DYNC1H1: variants seen among roughly 807,000 people sequenced by gnomAD.
The protein encoded by DYNC1H1 is dynein cytoplasmic 1 heavy chain 1.
A neutral mutation model predicts 527.1 loss-of-function variants in DYNC1H1; 51 were observed. The ratio of observed to expected loss-of-function variants is 0.10; its 90% confidence interval spans 0.08 to 0.12. DYNC1H1 has a LOEUF of 0.12. Among genes scored for constraint, DYNC1H1 ranks in the 10% least tolerant of loss-of-function variants. The pLI is 1.00. For missense variants in DYNC1H1, 2,771 were observed against 5,971.8 expected, an observed-to-expected ratio of 0.46 and a Z score of 17.66; for synonymous variants, 2,189 against 2,278.8, an observed-to-expected ratio of 0.96 and a Z score of 1.12.
chr14:101,977,429 C>G (rs1166960425), intron 2 of DYNC1H1, among the ~76,000 whole-genome samples: 1 of 152,142 alleles, frequency 6.6e-6, no homozygotes, highest in Non-Finnish European at 1.5e-5. Flanking sequence ...AATCATTTGA[C>G]AGTTAGTTAT....
In DYNC1H1 at chr14:102,024,692, CTTT is replaced by C. The variant is rs541855664; in HGVS notation, c.8637+1829_8637+1831del. Among the ~76,000 whole-genome samples, 225 of 109,478 alleles carry C rather than the reference CTTT, an allele frequency of 2.1e-3. 3 individuals carry two copies. The highest frequency in any genetic ancestry group is 7.7e-3 in the African/African-American group (193 of 25,136). 71.8% of individuals were successfully genotyped at this position (109,478 alleles called of 152,430 possible). A position where few individuals can be genotyped will look rare whatever the true frequency, so the allele number is the denominator to read the frequency against. Reference sequence around the variant, plus strand: ...TGTGGCTTATCTTTTTTTTTTAACTCTTTTTTTTTTTTTTTTTTTGGAGATGGA... The same window carrying C: ...TGTGGCTTATCTTTTTTTTTTAACTCTTTTTTTTTTTTTTTTGGAGATGGA... On this transcript the variant is annotated intron_variant, in intron 43 of 77. Coordinates refer to ENST00000360184, the MANE Select transcript of DYNC1H1 (RefSeq NM_001376.5).
intron 52 of DYNC1H1, 171 bp downstream of exon 52, chr14:102,032,638 G>GCCCAGGTTGGTCTCTAACT: frequency 1.1e-6 from 1 of 874,108 alleles, no homozygotes. Flanking sequence ...AAGTGCTTGA[G>GCCCAGGTTGGTCTCTAACT]CCTAGGAGTT....
In DYNC1H1 at chr14:101,980,414, T is replaced by A; in HGVS notation, c.825T>A (p.Ile275=). 1.2e-6 allele frequency: 2 copies of A among 1,614,268 alleles called. No individual in the cohort carries two copies. Among genetic ancestry groups the A allele is most frequent in the Non-Finnish European group, 1.7e-6 (2 of 1,180,048 alleles). The change falls in exon 5 of 78, where the codon ATT becomes ATA. Residue 275 remains isoleucine, a synonymous_variant. Coordinates refer to ENST00000360184, the MANE Select transcript of DYNC1H1 (RefSeq NM_001376.5). ...DPASGTALQE[I]SFWLNLERAL... Reference sequence around the variant, plus strand: ...CATCAGGAACTGCCTTACAGGAAATTAGTTTTTGGCTAAACTTGGAACGTG... The same window carrying A: ...CATCAGGAACTGCCTTACAGGAAATAAGTTTTTGGCTAAACTTGGAACGTG...
intron 28 of DYNC1H1, among the ~76,000 whole-genome samples, chr14:102,007,489 A>G (rs938835809): frequency 4.6e-5 from 7 of 152,178 alleles, no homozygotes; most frequent in African/African-American, 1.7e-4. Context: ...TTGGCACAGA[A>G]GGAAAGAAGG....
At chr14:102,026,897 A>G in intron 44 of DYNC1H1, 190 bp downstream of exon 44, 2 of 897,624 alleles carry the variant, frequency 2.2e-6, no homozygotes, top group Non-Finnish European at 3.5e-6. Context: ...GCAGAACTTC[A>G]TTCTTCCTCC....
At position 101,994,693 on chromosome 14, in the gene DYNC1H1, T is replaced by C; in HGVS notation, c.3177T>C (p.Cys1059=). The change falls in exon 13 of 78, where the codon TGT becomes TGC. Residue 1059 remains cysteine, a synonymous_variant. Transcript: ENST00000360184. ...QYVKVWLQYQ[C]LWDMQAENIY... is the part of the protein sequence containing the mutation. Reference sequence around the variant, plus strand: ...TGCAGGTTTGGCTTCAGTATCAGTGTTTATGGGATATGCAAGCTGAAAACA... The same window carrying C: ...TGCAGGTTTGGCTTCAGTATCAGTGCTTATGGGATATGCAAGCTGAAAACA... 6.2e-7 allele frequency: 1 copy of C among 1,614,216 alleles called. No homozygotes were observed. Among genetic ancestry groups the C allele is most frequent in the South Asian group, 1.1e-5 (1 of 91,086 alleles).
rs1474185720 is a variant in DYNC1H1 at position 102,028,155 on chromosome 14, T to C, written c.9468+14T>C. 1.2e-6 allele frequency: 2 copies of C among 1,613,768 alleles called. No individual in the cohort carries two copies. The highest frequency in any genetic ancestry group is 4.5e-5 in the East Asian group (2 of 44,884). ...ACTCTTCACCAGGTGGGTTCAGTTT[T>C]GAGATCAACAGATAAACCACAAAAC... is the stretch of plus-strand genomic sequence containing the variant. On this transcript the variant is annotated intron_variant, in intron 48 of 77. Coordinates refer to ENST00000360184, the MANE Select transcript of DYNC1H1 (RefSeq NM_001376.5).
chr14:101,991,644 C>G lies in DYNC1H1; in HGVS notation c.2986C>G (p.Leu996Val), dbSNP rs1194361096. The G allele has an allele frequency of 6.2e-7, 1 of 1,614,196 alleles. No individual in the cohort carries two copies. Among genetic ancestry groups the G allele is most frequent in the Non-Finnish European group, 8.5e-7 (1 of 1,180,046 alleles). ...TGCCTGGAAGATGGTTGTACTGTCT[C>G]TCCCCAGGATCCAGAGTCAGAGGTA... ...MFAWKMVVLSLPRIQSQRYQV... is the reference protein window; with the variant it reads ...MFAWKMVVLSVPRIQSQRYQV... The change falls in exon 11 of 78, where the codon CTC (leucine) becomes GTC (valine). Residue 996 changes from leucine to valine, a missense_variant. Coordinates refer to ENST00000360184, the MANE Select transcript of DYNC1H1 (RefSeq NM_001376.5).
intron 44 of DYNC1H1, 98 bp downstream of exon 44, chr14:102,026,805 C>T: frequency 2.0e-6 from 3 of 1,530,158 alleles, no homozygotes; most frequent in Non-Finnish European, 2.7e-6. Flanking sequence ...GTCCTACCAC[C>T]TCCACCTCAG....
Position 102,048,507 on chromosome 14 carries a change from C to T in DYNC1H1, c.13219-9C>T, listed in dbSNP as rs17541650. On this transcript the variant is annotated splice_polypyrimidine_tract_variant and intron_variant, in intron 73 of 77. Coordinates refer to ENST00000360184, the MANE Select transcript of DYNC1H1 (RefSeq NM_001376.5). ...CCTAACTTCTCTTCACCCTTTTGAACGATTTTAGGATCCTTTGTTCAGGTT... is the reference window on the plus strand; with the variant it reads ...CCTAACTTCTCTTCACCCTTTTGAATGATTTTAGGATCCTTTGTTCAGGTT... 5.7e-4 allele frequency: 912 copies of T among 1,614,090 alleles called. 6 individuals carry two copies. In the African/African-American group the frequency reaches 0.01, roughly 18 times the overall value.
rs764835898 is a variant in DYNC1H1 at position 101,986,807 on chromosome 14, G to A, written c.2538+44G>A. 6.2e-7 allele frequency: 1 copy of A among 1,606,632 alleles called. No homozygotes were observed. The highest frequency in any genetic ancestry group is 8.5e-7 in the Non-Finnish European group (1 of 1,173,484). ...CTCAGGTGTCCTGGTAACGAATGAA[G>A]CACAGTAATAGCGAGCTCAGTTAAA... On this transcript the variant is annotated intron_variant, in intron 8 of 77. Coordinates refer to ENST00000360184, the MANE Select transcript of DYNC1H1 (RefSeq NM_001376.5). The surrounding 1 kb of genome is among the most constrained non-coding windows in gnomAD (Gnocchi z 8.7).
At position 102,001,649 on chromosome 14, in the gene DYNC1H1, G is replaced by C; in HGVS notation, c.4510G>C (p.Val1504Leu). The C allele has an allele frequency of 6.2e-7, 1 of 1,614,202 alleles. No individual in the cohort carries two copies. ...CAAGGTCAAAGAACACATCAACAGCGTCTCGGCCATGAAGCTCTCTCCGTA... is the reference window on the plus strand; with the variant it reads ...CAAGGTCAAAGAACACATCAACAGCCTCTCGGCCATGAAGCTCTCTCCGTA... ...FNKVKEHINSVSAMKLSPYYK... is the reference protein window; with the variant it reads ...FNKVKEHINSLSAMKLSPYYK... Residue 1504 changes from valine to leucine, a missense_variant, in exon 21 of 78, where the codon GTC becomes CTC. This residue lies in a region of DYNC1H1 where 223 missense variants were observed against 462.5 expected (regional missense o/e 0.48). Coordinates refer to ENST00000360184, the MANE Select transcript of DYNC1H1 (RefSeq NM_001376.5). The surrounding 1 kb of genome is among the most constrained non-coding windows in gnomAD (Gnocchi z 5.0).
At position 102,047,461 on chromosome 14, in the gene DYNC1H1, C is replaced by T. The variant is rs17541630; in HGVS notation, c.13007-356C>T. Among the ~76,000 whole-genome samples, 308 of 151,898 alleles carry T rather than the reference C, an allele frequency of 2.0e-3. 5 individuals are homozygous for T. Among genetic ancestry groups the T allele is most frequent in the African/African-American group, 7.2e-3 (296 of 41,376 alleles). On this transcript the variant is annotated intron_variant, in intron 72 of 77. Coordinates refer to ENST00000360184, the MANE Select transcript of DYNC1H1 (RefSeq NM_001376.5). Reference sequence around the variant, plus strand: ...CTGAGTCAGGAGAATCACTTGAACCCAGGAGGCAGAGGTTGCAGTGAGCCA... The same window carrying T: ...CTGAGTCAGGAGAATCACTTGAACCTAGGAGGCAGAGGTTGCAGTGAGCCA...
At position 101,983,328 on chromosome 14, in the gene DYNC1H1, T is replaced by A; in HGVS notation, c.1233+38T>A. Reference sequence around the variant, plus strand: ...ATATAAGACAACCAACCTCAAGACATTGAGATGAAAATATGTCTTAATAAT... The same window carrying A: ...ATATAAGACAACCAACCTCAAGACAATGAGATGAAAATATGTCTTAATAAT... On this transcript the variant is annotated intron_variant, in intron 6 of 77. Transcript: ENST00000360184. This position sits in a 1 kb window ranked among gnomAD's most constrained non-coding sequence, Gnocchi z 5.3. 6.2e-7 allele frequency: 1 copy of A among 1,614,104 alleles called. No individual in the cohort carries two copies. Among genetic ancestry groups the A allele is most frequent in the South Asian group, 1.1e-5 (1 of 91,068 alleles).
chr14:102,049,156 C>A lies in DYNC1H1; in HGVS notation c.13373-284C>A. On this transcript the variant is annotated intron_variant, in intron 74 of 77. Coordinates refer to ENST00000360184, the MANE Select transcript of DYNC1H1 (RefSeq NM_001376.5). The surrounding 1 kb of genome is among the most constrained non-coding windows in gnomAD (Gnocchi z 5.5). ...CTTGTGTGACATGAGGTTTTAGCCG[C>A]GGTTTTGCTTGGATGTGATTATGGT... The A allele has an allele frequency of 2.0e-6, 1 of 503,874 alleles. No homozygotes were observed. Among genetic ancestry groups the A allele is most frequent in the Non-Finnish European group, 3.6e-6 (1 of 276,234 alleles). The allele number at this position is 503,874 out of a possible 1,614,324, so 31.2% of individuals were successfully genotyped here.
At chr14:101,966,500 T>G (rs1455404643) in intron 1 of DYNC1H1, among the ~76,000 whole-genome samples, 2 of 152,126 alleles carry the variant, frequency 1.3e-5, no homozygotes, top group Non-Finnish European at 2.9e-5. Context: ...TAAAAATCAC[T>G]GGGAATTGTT....
Position 102,050,809 on chromosome 14 carries a change from C to A in DYNC1H1, c.*246C>A, listed in dbSNP as rs2152601903. The A allele has an allele frequency of 3.9e-6, 2 of 513,270 alleles. No homozygotes were observed. The highest frequency in any genetic ancestry group is 4.0e-5 in the South Asian group (2 of 49,964). 31.8% of individuals were successfully genotyped at this position (513,270 alleles called of 1,614,324 possible). A position where few individuals can be genotyped will look rare whatever the true frequency, so the allele number is the denominator to read the frequency against. ...TAAGCATGAGCCGGCTCCGCCTCTT[C>A]TGTCTCCGCTTTCATCCCAGGGCAC... is the stretch of plus-strand genomic sequence containing the variant. On this transcript the variant is annotated 3_prime_UTR_variant, in exon 78 of 78. Transcript: ENST00000360184.
In DYNC1H1 at chr14:102,050,562, A is replaced by G. The variant is rs1425934204; in HGVS notation, c.13940A>G (p.Ter4647=). ...ERGVAVLCTE[*] ...GGTGTCGCAGTCTTGTGCACAGAGT[A>G]AACTTTTCTAGCTGCCCCTTTCTGT... is the stretch of plus-strand genomic sequence containing the variant. Residue 4647 remains the stop codon, a stop_retained_variant, in exon 78 of 78, where the codon TAA becomes TGA. Coordinates refer to ENST00000360184, the MANE Select transcript of DYNC1H1 (RefSeq NM_001376.5). 3.7e-6 allele frequency: 6 copies of G among 1,614,248 alleles called. No homozygotes were observed. The highest frequency in any genetic ancestry group is 4.2e-6 in the Non-Finnish European group (5 of 1,180,042).
Position 101,964,748 on chromosome 14 carries a change from G to A in DYNC1H1, c.57G>A (p.Ser19=), listed in dbSNP as rs917016410. Residue 19 remains serine, a synonymous_variant, in exon 1 of 78, where the codon TCG becomes TCA. Transcript: ENST00000360184. The surrounding 1 kb of genome is among the most constrained non-coding windows in gnomAD (Gnocchi z 5.5). ...GEDGSAGLEV[S]AVQNVADVSV... ...ACGGCTCGGCCGGATTGGAAGTGTCGGCCGTGCAGAATGTGGCGGACGTGT... is the reference window on the plus strand; with the variant it reads ...ACGGCTCGGCCGGATTGGAAGTGTCAGCCGTGCAGAATGTGGCGGACGTGT... 2 of 1,597,904 alleles carry A rather than the reference G, an allele frequency of 1.3e-6. No homozygotes were observed. The highest frequency in any genetic ancestry group is 1.7e-6 in the Non-Finnish European group (2 of 1,175,780).
Sources: allele counts gnomAD v4.1 joint callset (sites outside exome capture counted in the v4.1 genomes callset), GRCh38; gene constraint gnomAD v4.1.1; regional missense constraint gnomAD v4.1.1; non-coding constraint Gnocchi (gnomAD v3.1); transcripts MANE v1.5; gene names NCBI Gene and HGNC (gene_info 2026-07-23, HGNC 2026-07-21).